Variants in SGIP1 observed in about 807,000 individuals in gnomAD.
SGIP1 encodes SH3GL interacting endocytic adaptor 1.
In SGIP1, 38 loss-of-function variants were observed where a neutral mutation model predicts 107.5. The observed-to-expected ratio is 0.35, with a 90% CI of 0.27 to 0.46. The LOEUF is 0.46. Among genes scored for constraint, SGIP1 ranks in the 20% least tolerant of loss-of-function variants. The pLI, the probability that SGIP1 is intolerant of heterozygous loss-of-function variation, is 1.00. For missense variants in SGIP1, 929 were observed against 1,019.5 expected (o/e 0.91, Z 1.21); for synonymous variants, 365 against 366.1 (o/e 1.00, Z 0.03).
chr1:66,546,343 A>T (rs758670248), intron 1 of SGIP1, among the ~76,000 whole-genome samples: 10 of 152,204 alleles, frequency 6.6e-5, no homozygotes, highest in Non-Finnish European at 1.2e-4. Context: ...CTCTGATTTT[A>T]AGAGGACAGG....
chr1:66,577,240 C>G (rs186655465), intron 1 of SGIP1, among the ~76,000 whole-genome samples: 6 of 152,222 alleles, frequency 3.9e-5, no homozygotes, highest in African/African-American at 1.4e-4. Flanking sequence ...GGTCTCTGTT[C>G]TGGACCTCCT....
intron 7 of SGIP1, 132 bp from the exon 8 acceptor site, chr1:66,660,381 A>G: frequency 1.2e-6 from 1 of 800,140 alleles, no homozygotes; most frequent in Non-Finnish European, 2.2e-6. Flanking sequence ...CACAGGAAGC[A>G]TTTATAAAAG....
intron 1 of SGIP1, among the ~76,000 whole-genome samples, chr1:66,583,176 AAGTC>A (rs751332869): frequency 3.3e-5 from 5 of 152,118 alleles, no homozygotes; most frequent in Non-Finnish European, 5.9e-5. Flanking sequence ...CTGTAATAGT[AAGTC>A]AGAAAAGTTT....
intron 1 of SGIP1, among the ~76,000 whole-genome samples, chr1:66,617,650 C>T (rs901611336): frequency 1.3e-5 from 2 of 152,108 alleles, no homozygotes; most frequent in African/African-American, 4.8e-5. Context: ...CTTTGAGTAA[C>T]CCTCCAAGTT....
At chr1:66,630,904 AAGGGAGGGAGGGAGGGAGGAAG>A (rs2074347765) in intron 2 of SGIP1, among the ~76,000 whole-genome samples, 1 of 9,288 alleles carries the variant, frequency 1.1e-4, no homozygotes, top group Non-Finnish European at 1.7e-4. Context: ...AGAAAGAAAG[AAGGGAGGGAGGGAGGGAGGAAG>A]GAAGGAAGGA....
intron 18 of SGIP1, among the ~76,000 whole-genome samples, chr1:66,705,464 A>T (rs1366121692): frequency 1.3e-5 from 2 of 152,196 alleles, no homozygotes; most frequent in African/African-American, 4.8e-5. Flanking sequence ...AGTTGCAATC[A>T]TCACTGTGGC....
At position 66,651,423 on chromosome 1, in the gene SGIP1, T is replaced by G. The variant is rs1998716; in HGVS notation, c.459+7704T>G. Among the ~76,000 whole-genome samples, 6 of 152,118 alleles carry G rather than the reference T, an allele frequency of 3.9e-5. No homozygotes were observed. The South Asian group carries it at 1.2e-3, about 32-fold the overall frequency. ...GCTGGGATTTAAACTCAGAAAGTTC[T>G]GTTTCTAATTGAGAACTCTTAACCA... On this transcript the variant is annotated intron_variant, in intron 7 of 24. Transcript: ENST00000371037.
At chr1:66,594,308 G>T (rs1322457308) in intron 1 of SGIP1, among the ~76,000 whole-genome samples, 1 of 152,128 alleles carries the variant, frequency 6.6e-6, no homozygotes, top group African/African-American at 2.4e-5. Flanking sequence ...GTCTCCTTGG[G>T]AAACTTGTTC....
At chr1:66,589,607 C>T (rs112381227) in intron 1 of SGIP1, among the ~76,000 whole-genome samples, 1,894 of 152,184 alleles carry the variant, frequency 0.012, 44 homozygotes, top group African/African-American at 0.043. Flanking sequence ...ACCCAAATGC[C>T]TGTGAAAAAC....
At chr1:66,670,109 C>CCT (rs1281571061) in intron 9 of SGIP1, among the ~76,000 whole-genome samples, 6 of 152,204 alleles carry the variant, frequency 3.9e-5, no homozygotes, top group Middle Eastern at 3.2e-3. Flanking sequence ...CTGCCCCTGT[C>CCT]ATTCTCCTAC....
At chr1:66,635,202 T>C (rs796770199) in intron 3 of SGIP1, among the ~76,000 whole-genome samples, 4 of 152,306 alleles carry the variant, frequency 2.6e-5, no homozygotes, top group African/African-American at 9.6e-5. Context: ...GCTTCTGAGG[T>C]TTAACCTATA....
chr1:66,690,264 T>C lies in SGIP1; in HGVS notation c.1518T>C (p.Thr506=). The C allele has an allele frequency of 6.2e-7, 1 of 1,614,204 alleles. No individual in the cohort carries two copies. Among genetic ancestry groups the C allele is most frequent in the South Asian group, 1.1e-5 (1 of 91,080 alleles). The change falls in exon 17 of 25, where the codon ACT becomes ACC. Residue 506 remains threonine, a synonymous_variant. Transcript: ENST00000371037. ...CACCCTTAGCGCGGGCTGAAAGCAC[T>C]TCTTCAATATCGTCAACCAATTCCT... ...PIAPLARAES[T]SSISSTNSLS...
At chr1:66,719,158 G>T in intron 18 of SGIP1, 136 bp from the exon 19 acceptor site, 1 of 561,812 alleles carries the variant, frequency 1.8e-6, no homozygotes, top group South Asian at 2.9e-5. Flanking sequence ...AATATACAGA[G>T]TTACGGTTCT....
At chr1:66,720,896 C>T (rs1440665580) in intron 19 of SGIP1, among the ~76,000 whole-genome samples, 3 of 152,108 alleles carry the variant, frequency 2.0e-5, no homozygotes, top group Non-Finnish European at 2.9e-5. Flanking sequence ...TGAATCCTCT[C>T]GACACTTCAG....
intron 1 of SGIP1, among the ~76,000 whole-genome samples, chr1:66,561,369 C>T: frequency 6.6e-6 from 1 of 151,958 alleles, no homozygotes; most frequent in East Asian, 1.9e-4. Context: ...GACTTGTTCA[C>T]AATCTTTCCA....
intron 1 of SGIP1, among the ~76,000 whole-genome samples, chr1:66,604,814 C>A (rs763961624): frequency 6.6e-5 from 10 of 152,364 alleles, no homozygotes; most frequent in Non-Finnish European, 1.3e-4. Flanking sequence ...GACTGTGAAT[C>A]ATTTTGAGTT....
intron 1 of SGIP1, among the ~76,000 whole-genome samples, chr1:66,577,805 A>T (rs565670644): frequency 7.1e-6 from 1 of 140,100 alleles, no homozygotes; most frequent in Non-Finnish European, 1.6e-5. Flanking sequence ...TGTGTGTTGC[A>T]TACCCAAAAA....
intron 17 of SGIP1, chr1:66,694,706 T>C: frequency 2.4e-6 from 1 of 411,946 alleles, no homozygotes; most frequent in Non-Finnish European, 4.3e-6. Flanking sequence ...AAACAGCAGG[T>C]TGCATGACAG....
intron 8 of SGIP1, 40 bp from the exon 9 acceptor site, chr1:66,667,490 G>T: frequency 6.2e-7 from 1 of 1,604,926 alleles, no homozygotes; most frequent in East Asian, 2.2e-5. Context: ...ATCATTCTCT[G>T]ACTAGGTGTC....
Sources: gnomAD v4.1 joint callset for allele counts (sites outside exome capture counted in the v4.1 genomes callset) on GRCh38, gnomAD v4.1.1 for gene constraint, MANE v1.5 for transcripts, NCBI Gene and HGNC (gene_info 2026-07-23, HGNC 2026-07-21) for gene names.